Variants in CDS1 observed in about 807,000 individuals in gnomAD.
The protein encoded by CDS1 is phosphatidate cytidylyltransferase 1.
CDS1 carries 41 observed loss-of-function variants against 62.1 expected under a neutral mutation model. That is an observed-to-expected ratio of 0.66 (90% confidence interval 0.51 to 0.86). The LOEUF is 0.86. Among genes scored for constraint, CDS1 ranks in the 40% least tolerant of loss-of-function variants. The probability of loss-of-function intolerance (pLI) is 0.00; values close to 1 mark genes in which losing one functional copy is unlikely to be tolerated. For missense variants in CDS1, 470 were observed against 550.1 expected, an observed-to-expected ratio of 0.85 and a Z score of 1.46; for synonymous variants, 185 against 192.6, an observed-to-expected ratio of 0.96 and a Z score of 0.32.
chr4:84,632,293 G>A (rs1206433918), intron 6 of CDS1, among the ~76,000 whole-genome samples: 1 of 152,090 alleles, frequency 6.6e-6, no homozygotes, highest in African/African-American at 2.4e-5. Context: ...TATCTTGGTG[G>A]TTATGGTTAG....
chr4:84,613,564 C>T (rs1191240608), intron 3 of CDS1, among the ~76,000 whole-genome samples: 4 of 152,094 alleles, frequency 2.6e-5, no homozygotes, highest in East Asian at 1.9e-4. Context: ...GAGCCGAGAT[C>T]GCGCCACTGC....
intron 4 of CDS1, among the ~76,000 whole-genome samples, chr4:84,618,125 T>C (rs546126287): frequency 1.6e-4 from 24 of 152,342 alleles, no homozygotes; most frequent in Non-Finnish European, 3.1e-4. Flanking sequence ...TAAAATTTTA[T>C]ATCTTTTAAA....
chr4:84,644,011 A>C (rs1412593615), intron 11 of CDS1, among the ~76,000 whole-genome samples: 1 of 152,158 alleles, frequency 6.6e-6, no homozygotes, highest in African/African-American at 2.4e-5. Flanking sequence ...TGTACAGAGG[A>C]GTGGAAGAGG....
chr4:84,615,554 C>T (rs78427831), intron 3 of CDS1, among the ~76,000 whole-genome samples: 3,870 of 152,164 alleles, frequency 0.025, 162 homozygotes, highest in African/African-American at 0.089. Context: ...CTCTGCAGAT[C>T]CTCCTCCTCT....
chr4:84,617,027 C>T (rs563772031), intron 3 of CDS1, among the ~76,000 whole-genome samples: 1 of 152,308 alleles, frequency 6.6e-6, no homozygotes, highest in Non-Finnish European at 1.5e-5. Context: ...GTTGACACAA[C>T]TGGGAGGATG....
chr4:84,644,004 A>G (rs999506238), intron 11 of CDS1, among the ~76,000 whole-genome samples: 1 of 152,194 alleles, frequency 6.6e-6, no homozygotes, highest in African/African-American at 2.4e-5. Context: ...TCCAGAGTGT[A>G]CAGAGGAGTG....
chr4:84,592,903 T>C (rs900913125), intron 1 of CDS1, among the ~76,000 whole-genome samples: 2 of 152,156 alleles, frequency 1.3e-5, no homozygotes, highest in Non-Finnish European at 2.9e-5. Context: ...GACAGTTAAG[T>C]TGTGGCTCAC....
intron 1 of CDS1, among the ~76,000 whole-genome samples, chr4:84,602,100 C>A (rs1297085207): frequency 6.6e-6 from 1 of 152,128 alleles, no homozygotes; most frequent in East Asian, 1.9e-4. Flanking sequence ...ATCTTTGCAA[C>A]AGAGTCTATA....
chr4:84,635,672 TTCCTTCCTTCCTTCCTTCCC>T (rs1724178340), intron 8 of CDS1, among the ~76,000 whole-genome samples: 3 of 119,514 alleles, frequency 2.5e-5, no homozygotes, highest in African/African-American at 1.1e-4. Context: ...CCTTCCTTCC[TTCCTTCCTTCCTTCCTTCCC>T]TCCTTCCCTC....
rs1276035441 is a variant in CDS1, at chr4:84,633,920, CTGTT to C, written c.706_709del (p.Phe236LysfsTer3). On this transcript the variant is annotated frameshift_variant, in exon 7 of 13. Transcript: ENST00000295887. LOFTEE classifies it high-confidence loss of function. ...TCAGTCACACCTTGTCATCCAAAAT[CTGTT>C]TGAAGGCATGATATGGTAAGGCAAC... is the stretch of plus-strand genomic sequence containing the variant. The C allele has an allele frequency of 6.2e-7, 1 of 1,603,216 alleles. No individual in the cohort carries two copies. The highest frequency in any genetic ancestry group is 8.5e-7 in the Non-Finnish European group (1 of 1,173,476).
At chr4:84,645,996 A>G (rs1724548500) in intron 12 of CDS1, among the ~76,000 whole-genome samples, 1 of 152,176 alleles carries the variant, frequency 6.6e-6, no homozygotes, top group Non-Finnish European at 1.5e-5. Context: ...TCTGCCTTGA[A>G]ATACCAGTGT....
intron 3 of CDS1, among the ~76,000 whole-genome samples, chr4:84,616,389 T>C (rs571217267): frequency 1.2e-4 from 19 of 152,308 alleles, no homozygotes; most frequent in African/African-American, 4.3e-4. Flanking sequence ...AAAAAATAAC[T>C]TAAAAATACC....
At chr4:84,594,150 A>G (rs1410856280) in intron 1 of CDS1, among the ~76,000 whole-genome samples, 2 of 152,166 alleles carry the variant, frequency 1.3e-5, no homozygotes, top group Non-Finnish European at 2.9e-5. Context: ...GCTGCAAATT[A>G]AATTGACATA....
Position 84,650,578 on chromosome 4 carries a change from C to T in CDS1, c.*1892C>T, listed in dbSNP as rs1489314060. On this transcript the variant is annotated 3_prime_UTR_variant, in exon 13 of 13. Coordinates refer to ENST00000295887, the MANE Select transcript of CDS1 (RefSeq NM_001263.4). ...TAAGAACTCCTTGAGATACACAGAT[C>T]CCCCCACATTTGTATTTAAAATAAT... is the stretch of plus-strand genomic sequence containing the variant. 3 of 152,060 alleles carry T rather than the reference C, an allele frequency of 2.0e-5. No homozygotes were observed. The highest frequency in any genetic ancestry group is 4.8e-5 in the African/African-American group (2 of 41,432). The allele number at this position is 152,060 out of a possible 1,614,324, so 9.4% of individuals were successfully genotyped here. A position where few individuals can be genotyped will look rare whatever the true frequency, so the allele number is the denominator to read the frequency against.
chr4:84,617,240 CAA>C (rs1042561874), intron 3 of CDS1, among the ~76,000 whole-genome samples: 4 of 152,162 alleles, frequency 2.6e-5, no homozygotes, highest in Non-Finnish European at 5.9e-5. Context: ...AGGACAATCT[CAA>C]GAATGAAGTA....
intron 10 of CDS1, among the ~76,000 whole-genome samples, chr4:84,642,166 A>G (rs902490594): frequency 6.6e-6 from 1 of 152,148 alleles, no homozygotes; most frequent in African/African-American, 2.4e-5. Context: ...TGTCTACTAA[A>G]CATAAAAAAT....
In CDS1 at chr4:84,617,638, A is replaced by G. The variant is rs2148647076; in HGVS notation, c.417A>G (p.Leu139=). The change falls in exon 4 of 13, where the codon CTA becomes CTG. Residue 139 remains leucine, a synonymous_variant. Transcript: ENST00000295887. The part of the protein sequence containing the change: ...IGYRVYHSYD[L]PWFRTLSWYF... The stretch of plus-strand genomic sequence containing the variant: ...ATAGAGTCTATCATTCTTATGATCT[A>G]CCATGGTTTAGAACACTAAGTTGGT... 1.3e-6 allele frequency: 2 copies of G among 1,556,154 alleles called. No homozygotes were observed. Among genetic ancestry groups the G allele is most frequent in the East Asian group, 2.3e-5 (1 of 44,350 alleles).
chr4:84,635,164 T>C (rs993593144), intron 7 of CDS1, 100 bp from the exon 8 acceptor site: 6 of 647,372 alleles, frequency 9.3e-6, no homozygotes, highest in Non-Finnish European at 1.6e-5. Context: ...TCCAAAGGGT[T>C]ATTCTGATGG....
chr4:84,613,977 ATTG>A (rs1392052004), intron 3 of CDS1, among the ~76,000 whole-genome samples: 1 of 152,142 alleles, frequency 6.6e-6, no homozygotes, highest in Non-Finnish European at 1.5e-5. Flanking sequence ...TTCCAACCCT[ATTG>A]TTAACCACCA....
Sources: gnomAD v4.1 joint callset for allele counts (sites outside exome capture counted in the v4.1 genomes callset) on GRCh38, gnomAD v4.1.1 for gene constraint, MANE v1.5 for transcripts, NCBI Gene and HGNC (gene_info 2026-07-23, HGNC 2026-07-21) for gene names.